Variants in PCDH15 observed in about 807,000 individuals in gnomAD.
PCDH15 encodes the protein protocadherin-15.
In PCDH15, 129 loss-of-function variants were observed where a neutral mutation model predicts 178.5. The observed-to-expected ratio is 0.72, with a 90% CI of 0.63 to 0.84. PCDH15 has a LOEUF of 0.84. Among genes scored for constraint, PCDH15 ranks in the 40% least tolerant of loss-of-function variants. The pLI, the probability that PCDH15 is intolerant of heterozygous loss-of-function variation, is 0.00. For missense variants in PCDH15, 2,230 were observed against 2,099.9 expected (o/e 1.06, Z -1.21); for synonymous variants, 800 against 732.0 (o/e 1.09, Z -1.50).
rs1340813240 is a variant in PCDH15 at position 55,020,702 on chromosome 10, A to G, written c.-79-123202T>C. 3.9e-5 allele frequency among the ~76,000 whole-genome samples: 6 copies of G among 152,308 alleles called. No homozygotes were observed. The East Asian group carries it at 1.2e-3, about 29-fold the overall frequency. On this transcript the variant is annotated intron_variant, in intron 2 of 5. Transcript: ENST00000458638. ...CTTTTCGTTCCTAAATAAGATGGCT[A>G]CAAGATGAAAGGATATACACCTCCC... is the stretch of plus-strand genomic sequence containing the variant.
At chr10:54,667,793 T>TA (rs1210356038) in intron 1 of PCDH15, among the ~76,000 whole-genome samples, 1 of 152,092 alleles carries the variant, frequency 6.6e-6, no homozygotes, top group Non-Finnish European at 1.5e-5. Context: ...TATAAATAAA[T>TA]ATGTTATACT....
intron 2 of PCDH15, among the ~76,000 whole-genome samples, chr10:55,099,016 T>C (rs1325010617): frequency 6.6e-6 from 1 of 151,954 alleles, no homozygotes; most frequent in African/African-American, 2.4e-5. Flanking sequence ...CCTTAATCTA[T>C]TTGGCGCAAG....
chr10:55,142,127 C>T (rs765987931), intron 2 of PCDH15, among the ~76,000 whole-genome samples: 3 of 152,006 alleles, frequency 2.0e-5, no homozygotes, highest in Non-Finnish European at 4.4e-5. Context: ...GAAAGCAAAC[C>T]ACCACCAAAG....
intron 3 of PCDH15, among the ~76,000 whole-genome samples, chr10:54,454,087 TAACAGATTTATATATTTATAAATATAA>T (rs921894037): frequency 1.3e-5 from 2 of 150,516 alleles, no homozygotes; most frequent in African/African-American, 4.9e-5. Context: ...TATAAACATA[TAACAGATTTATATATTTATAAATATAA>T]AACAGATTTA....
intron 2 of PCDH15, among the ~76,000 whole-genome samples, chr10:55,376,388 A>C (rs1342409331): frequency 6.6e-6 from 1 of 152,088 alleles, no homozygotes; most frequent in Non-Finnish European, 1.5e-5. Context: ...AGGTTTCATC[A>C]CAGGAGCCAT....
At chr10:53,836,966 TAA>T (rs965490287) in intron 29 of PCDH15, among the ~76,000 whole-genome samples, 68 of 152,112 alleles carry the variant, frequency 4.5e-4, no homozygotes, top group African/African-American at 1.4e-3. Context: ...AATATCTTTC[TAA>T]AAAGATAAAA....
chr10:55,580,399 C>T (rs1172761019), intron 2 of PCDH15, among the ~76,000 whole-genome samples: 1 of 149,428 alleles, frequency 6.7e-6, no homozygotes, highest in South Asian at 2.1e-4. Flanking sequence ...ATTCTGTTGC[C>T]CAGGCTGGAG....
Position 55,473,035 on chromosome 10 carries a change from G to C in PCDH15, c.-156+154590C>G, listed in dbSNP as rs1041640483. 2.0e-5 allele frequency among the ~76,000 whole-genome samples: 3 copies of C among 152,126 alleles called. No homozygotes were observed. The South Asian group carries it at 6.2e-4, about 31-fold the overall frequency. On this transcript the variant is annotated intron_variant, in intron 2 of 5. Coordinates refer to the PCDH15 transcript ENST00000613346. ...AACATGATCTTACAACATTAGAGTG[G>C]AATGTCCTAATTCAGATGAATAGAA...
intron 2 of PCDH15, chr10:54,600,652 C>A: frequency 1.7e-6 from 1 of 571,890 alleles, no homozygotes. Context: ...ACTTCACATG[C>A]CGTAATAAAG....
rs548496141 is a variant in PCDH15, at chr10:55,488,423, G to T, written c.-156+139202C>A. ...ATAGCCTATTATCAATCAATGCATA[G>T]CAAGTTAGGTAGTCATGTCAAATTT... On this transcript the variant is annotated intron_variant, in intron 2 of 5. Coordinates refer to the PCDH15 transcript ENST00000613346. Among the ~76,000 whole-genome samples the T allele has an allele frequency of 5.9e-5, 9 of 151,628 alleles. No individual in the cohort carries two copies. In the South Asian group the frequency reaches 1.9e-3, roughly 31 times the overall value.
chr10:54,810,008 A>G (rs1216337237), intron 3 of PCDH15, among the ~76,000 whole-genome samples: 2 of 152,154 alleles, frequency 1.3e-5, no homozygotes, highest in East Asian at 3.9e-4. Context: ...CTCAGTTTCA[A>G]TTTGATCAAA....
At chr10:55,132,153 T>C (rs1343949852) in intron 2 of PCDH15, among the ~76,000 whole-genome samples, 1 of 152,144 alleles carries the variant, frequency 6.6e-6, no homozygotes, top group Admixed American at 6.6e-5. Flanking sequence ...GCAGCCTGTG[T>C]CTTCACAACA....
intron 1 of PCDH15, among the ~76,000 whole-genome samples, chr10:55,244,297 A>C (rs1841631649): frequency 1.3e-5 from 2 of 151,954 alleles, no homozygotes; most frequent in Admixed American, 1.3e-4. Flanking sequence ...TTTTTAGTAG[A>C]GTGAAATATT....
intron 18 of PCDH15, among the ~76,000 whole-genome samples, chr10:54,048,328 C>T (rs187719032): frequency 1.3e-5 from 2 of 152,206 alleles, no homozygotes; most frequent in Admixed American, 1.3e-4. Context: ...GCATAGTTAG[C>T]AAATATTTTC....
At chr10:55,072,937 G>A (rs1305700703) in intron 2 of PCDH15, among the ~76,000 whole-genome samples, 1 of 150,370 alleles carries the variant, frequency 6.7e-6, no homozygotes, top group Non-Finnish European at 1.5e-5. Flanking sequence ...TGCAAGGCTG[G>A]TTCAATATAC....
chr10:55,285,429 T>A (rs1458512634), intron 1 of PCDH15, among the ~76,000 whole-genome samples: 1 of 151,620 alleles, frequency 6.6e-6, no homozygotes, highest in Non-Finnish European at 1.5e-5. Context: ...CATATTTTAT[T>A]TAGGAAGATA....
At chr10:54,221,549 C>T (rs922736626) in intron 9 of PCDH15, among the ~76,000 whole-genome samples, 4 of 151,882 alleles carry the variant, frequency 2.6e-5, no homozygotes, top group Admixed American at 1.3e-4. Context: ...ACACTGATCA[C>T]TTTCTGTCTG....
At position 54,213,420 on chromosome 10, in the gene PCDH15, T is replaced by C. The variant is rs779131626; in HGVS notation, c.1098+516A>G. ...TTGAATTATTTCAAGTCTAAGATCATCTTTCAATATAAAGAAAATAATGAG... is the reference window on the plus strand; with the variant it reads ...TTGAATTATTTCAAGTCTAAGATCACCTTTCAATATAAAGAAAATAATGAG... On this transcript the variant is annotated intron_variant, in intron 10 of 37. Coordinates refer to ENST00000644397, the MANE Select transcript of PCDH15 (RefSeq NM_001384140.1). Among the ~76,000 whole-genome samples, 8 of 152,286 alleles carry C rather than the reference T, an allele frequency of 5.3e-5. No homozygotes were observed. The East Asian group carries it at 7.7e-4, about 15-fold the overall frequency.
chr10:55,343,750 G>GGT (rs1844666631), intron 2 of PCDH15, among the ~76,000 whole-genome samples: 1 of 151,972 alleles, frequency 6.6e-6, no homozygotes, highest in African/African-American at 2.4e-5. Context: ...TGATTTACAT[G>GGT]GTTTGAACTT....
Sources: allele counts gnomAD v4.1 joint callset (sites outside exome capture counted in the v4.1 genomes callset), GRCh38; gene constraint gnomAD v4.1.1; transcripts MANE v1.5; gene names NCBI Gene and HGNC (gene_info 2026-07-23, HGNC 2026-07-21).